Variants in L1TD1 observed in about 807,000 individuals in gnomAD.
L1TD1 encodes LINE-1 type transposase domain-containing protein 1.
In L1TD1, 26 loss-of-function variants were observed where a neutral mutation model predicts 25.7. The observed-to-expected ratio is 1.01, with a 90% CI of 0.74 to 1.40. The LOEUF (loss-of-function observed/expected upper bound fraction) is 1.40, where lower values mean the gene tolerates loss of function less well. L1TD1 is among the 40% of genes most tolerant of loss of function. L1TD1 has a pLI of 0.00. For missense variants in L1TD1, 1,130 were observed against 975.0 expected, an observed-to-expected ratio of 1.16 and a Z score of -2.12; for synonymous variants, 421 against 335.6, an observed-to-expected ratio of 1.25 and a Z score of -2.78.
chr1:62,204,598 C>A, intron 2 of L1TD1, among the ~76,000 whole-genome samples: 1 of 152,138 alleles, frequency 6.6e-6, no homozygotes, highest in East Asian at 1.9e-4. Flanking sequence ...GAAACAGCGT[C>A]TCACTATGTT....
At chr1:62,203,865 G>A (rs1321812791) in intron 2 of L1TD1, among the ~76,000 whole-genome samples, 1 of 152,176 alleles carries the variant, frequency 6.6e-6, no homozygotes, top group African/African-American at 2.4e-5. Flanking sequence ...GATTACAGGT[G>A]TAAGCCACCA....
intron 3 of L1TD1, among the ~76,000 whole-genome samples, chr1:62,208,792 G>A (rs973646488): frequency 3.3e-5 from 5 of 152,054 alleles, no homozygotes; most frequent in Non-Finnish European, 5.9e-5. Flanking sequence ...GTCTATATTC[G>A]TAAGCCAATA....
intron 2 of L1TD1, among the ~76,000 whole-genome samples, chr1:62,203,649 G>A (rs1308257620): frequency 6.6e-6 from 1 of 152,148 alleles, no homozygotes; most frequent in African/African-American, 2.4e-5. Context: ...CACGATCTAG[G>A]CTCACTGCAA....
At chr1:62,200,591 A>G (rs1285553625) in intron 2 of L1TD1, among the ~76,000 whole-genome samples, 4 of 152,122 alleles carry the variant, frequency 2.6e-5, no homozygotes, top group African/African-American at 4.8e-5. Flanking sequence ...CCCTTCTCTT[A>G]TTAAAGGACA....
At chr1:62,197,568 A>T (rs1007644187) in intron 2 of L1TD1, among the ~76,000 whole-genome samples, 1 of 151,952 alleles carries the variant, frequency 6.6e-6, no homozygotes, top group East Asian at 1.9e-4. Flanking sequence ...TCCTGGCCTC[A>T]AGTGCTCCTG....
At position 62,210,059 on chromosome 1, in the gene L1TD1, G is replaced by T. The variant is rs763810599; in HGVS notation, c.1285G>T (p.Ala429Ser). The T allele has an allele frequency of 8.1e-6, 13 of 1,613,064 alleles. No homozygotes were observed. Among genetic ancestry groups the T allele is most frequent in the Non-Finnish European group, 1.1e-5 (13 of 1,179,402 alleles). ...GGCTTCAGGGTTGGAGGAGGATGAG[G>T]CCTCAGGGCTAGAGGAGGAAGAGGA... ...EEASGLEEDEASGLEEEEEQT... is the reference protein window; with the variant it reads ...EEASGLEEDESSGLEEEEEQT... The change falls in exon 4 of 4, where the codon GCC becomes TCC. Residue 429 changes from alanine to serine, a missense_variant. Physicochemically the swap from Ala to Ser is moderately conservative, Grantham distance 99. Transcript: ENST00000498273.
At position 62,210,089 on chromosome 1, in the gene L1TD1, A is replaced by C; in HGVS notation, c.1315A>C (p.Thr439Pro). The C allele has an allele frequency of 6.2e-7, 1 of 1,614,084 alleles. No individual in the cohort carries two copies. The highest frequency in any genetic ancestry group is 8.5e-7 in the Non-Finnish European group (1 of 1,180,030). The change falls in exon 4 of 4, where the codon ACT becomes CCT. Residue 439 changes from threonine (T) to proline (P), a missense_variant. Physicochemically the swap from Thr to Pro is conservative, Grantham distance 38. Transcript: ENST00000498273. ...AGGGCTAGAGGAGGAAGAGGAACAGACTTCAGAACAGGACTCAACCTTTCA... is the reference window on the plus strand; with the variant it reads ...AGGGCTAGAGGAGGAAGAGGAACAGCCTTCAGAACAGGACTCAACCTTTCA... Reference protein sequence around the residue: ...ASGLEEEEEQTSEQDSTFQGH... With the variant: ...ASGLEEEEEQPSEQDSTFQGH...
At chr1:62,203,186 A>G (rs539751845) in intron 2 of L1TD1, among the ~76,000 whole-genome samples, 8 of 152,266 alleles carry the variant, frequency 5.3e-5, no homozygotes, top group African/African-American at 1.9e-4. Context: ...CAGGCATGCA[A>G]TGTGTAATAA....
intron 2 of L1TD1, among the ~76,000 whole-genome samples, chr1:62,202,944 A>G (rs1670670985): frequency 6.6e-6 from 1 of 151,890 alleles, no homozygotes; most frequent in Admixed American, 6.6e-5. Flanking sequence ...CGGCCTCCCA[A>G]AGTGCTGGGA....
In L1TD1 at chr1:62,211,055, T is replaced by C. The variant is rs147144713; in HGVS notation, c.2281T>C (p.Leu761=). 6.9e-3 allele frequency: 10,759 copies of C among 1,551,024 alleles called. 89 individuals carry two copies. The highest frequency in any genetic ancestry group is 0.031 in the South Asian group (2,564 of 83,812). The change falls in exon 4 of 4, where the codon TTG becomes CTG. Residue 761 remains leucine, a synonymous_variant. Transcript: ENST00000498273. ...AAAGAGACTGACTCCTAGACACATC[T>C]TGGTGAAATTTTGGAATTCTAGTGA... The part of the protein sequence containing the change: ...DEKRLTPRHI[L]VKFWNSSDKE...
chr1:62,210,763 A>G lies in L1TD1; in HGVS notation c.1989A>G (p.Ile663Met). Residue 663 changes from isoleucine (I) to methionine (M), a missense_variant, in exon 4 of 4, where the codon ATA (isoleucine) becomes ATG (methionine). Transcript: ENST00000498273. ...GAATGGACATACTTGAAGAAAGAAT[A>G]GACAGTCTAGAAGATCAAATTGAAG... is the stretch of plus-strand genomic sequence containing the variant. ...SSRMDILEERIDSLEDQIEEF... is the reference protein window; with the variant it reads ...SSRMDILEERMDSLEDQIEEF... 8 of 1,551,440 alleles carry G rather than the reference A, an allele frequency of 5.2e-6. No homozygotes were observed. Among genetic ancestry groups the G allele is most frequent in the Non-Finnish European group, 7.0e-6 (8 of 1,146,946 alleles).
Position 62,211,388 on chromosome 1 carries a change from A to T in L1TD1, c.*16A>T. The T allele has an allele frequency of 1.3e-6, 2 of 1,552,470 alleles. No individual in the cohort carries two copies. Among genetic ancestry groups the T allele is most frequent in the Non-Finnish European group, 1.7e-6 (2 of 1,153,322 alleles). On this transcript the variant is annotated 3_prime_UTR_variant, in exon 4 of 4. Coordinates refer to ENST00000498273, the MANE Select transcript of L1TD1 (RefSeq NM_019079.5). Reference sequence around the variant, plus strand: ...TATACCTTAGCACGCCAGGGTGACTACAAACAATATGCTTTCCTCCCCCAG... The same window carrying T: ...TATACCTTAGCACGCCAGGGTGACTTCAAACAATATGCTTTCCTCCCCCAG...
At chr1:62,198,309 C>T (rs1570920195) in intron 2 of L1TD1, among the ~76,000 whole-genome samples, 2 of 151,216 alleles carry the variant, frequency 1.3e-5, no homozygotes, top group East Asian at 2.0e-4. Flanking sequence ...CCACGCTGGG[C>T]GAGAGTGAGA....
chr1:62,201,281 T>C (rs1402855877), intron 2 of L1TD1, among the ~76,000 whole-genome samples: 1 of 152,118 alleles, frequency 6.6e-6, no homozygotes, highest in Non-Finnish European at 1.5e-5. Context: ...ACAATTGTTA[T>C]CAGAAAAATT....
rs1297750882 is a variant in L1TD1 at position 62,205,439 on chromosome 1, A to ATT, written c.-110-1079_-110-1078insTT. Among the ~76,000 whole-genome samples, 139 of 44,212 alleles carry ATT rather than the reference A, an allele frequency of 3.1e-3. 19 individuals are homozygous for ATT. The highest frequency in any genetic ancestry group is 0.011 in the African/African-American group (133 of 11,646). The allele number at this position is 44,212 out of a possible 152,430, so 29.0% of individuals were successfully genotyped here. A position where few individuals can be genotyped will look rare whatever the true frequency, so the allele number is the denominator to read the frequency against. ...TCTCTATATATATATATATATATAT[A>ATT]TATATTTTTTTTTAGACAGTCTTGC... On this transcript the variant is annotated intron_variant, in intron 2 of 3. Transcript: ENST00000498273.
chr1:62,207,599 A>C lies in L1TD1; in HGVS notation c.971A>C (p.Asn324Thr). 1.3e-6 allele frequency: 2 copies of C among 1,542,038 alleles called. No homozygotes were observed. Among genetic ancestry groups the C allele is most frequent in the Non-Finnish European group, 1.7e-6 (2 of 1,144,246 alleles). The change falls in exon 3 of 4, where the codon AAT becomes ACT. Residue 324 changes from asparagine to threonine, a missense_variant. Coordinates refer to ENST00000498273, the MANE Select transcript of L1TD1 (RefSeq NM_019079.5). Reference sequence around the variant, plus strand: ...GTACTCCCACAAAAGGAAGAAATAAATCAAGGAGGAAGAAAATATGGAATT... The same window carrying C: ...GTACTCCCACAAAAGGAAGAAATAACTCAAGGAGGAAGAAAATATGGAATT... ...KDVLPQKEEI[N>T]QGGRKYGIQE...
chr1:62,210,640 T>A lies in L1TD1; in HGVS notation c.1866T>A (p.Ile622=). The change falls in exon 4 of 4, where the codon ATT becomes ATA. Residue 622 remains isoleucine, a synonymous_variant. Coordinates refer to ENST00000498273, the MANE Select transcript of L1TD1 (RefSeq NM_019079.5). ...AAGAAAACTTGAGAAGTAGTGTGAT[T>A]AATAGCATCAGAGAGATAAAAGAGG... ...ETEENLRSSV[I]NSIREIKEEI... 6.3e-7 allele frequency: 1 copy of A among 1,581,810 alleles called. No individual in the cohort carries two copies. The highest frequency in any genetic ancestry group is 1.1e-5 in the South Asian group (1 of 87,364).
At chr1:62,202,153 A>T (rs1317978913) in intron 2 of L1TD1, among the ~76,000 whole-genome samples, 1 of 152,180 alleles carries the variant, frequency 6.6e-6, no homozygotes, top group Non-Finnish European at 1.5e-5. Flanking sequence ...GTACAAAATT[A>T]GCCAGGCGTG....
At position 62,212,054 on chromosome 1, in the gene L1TD1, A is replaced by C. The variant is rs1256268804; in HGVS notation, c.*682A>C. ...ACCTGTCAAGATAACCTGTCAATGT[A>C]GTAGGAAAACAGGAGGGGACAGTAA... On this transcript the variant is annotated 3_prime_UTR_variant, in exon 4 of 4. Coordinates refer to ENST00000498273, the MANE Select transcript of L1TD1 (RefSeq NM_019079.5). 6.6e-6 allele frequency: 1 copy of C among 152,276 alleles called. No homozygotes were observed. Among genetic ancestry groups the C allele is most frequent in the Non-Finnish European group, 1.5e-5 (1 of 68,118 alleles). The allele number at this position is 152,276 out of a possible 1,614,324, so 9.4% of individuals were successfully genotyped here.
Sources: allele counts gnomAD v4.1 joint callset (sites outside exome capture counted in the v4.1 genomes callset), GRCh38; gene constraint gnomAD v4.1.1; transcripts MANE v1.5; gene names NCBI Gene and HGNC (gene_info 2026-07-23, HGNC 2026-07-21).